GALNTL6: variants seen among roughly 807,000 people sequenced by gnomAD.
GALNTL6 encodes the protein polypeptide N-acetylgalactosaminyltransferase-like 6.
GALNTL6 carries 46 observed loss-of-function variants against 73.7 expected under a neutral mutation model. The observed-to-expected ratio is 0.62, with a 90% CI of 0.49 to 0.80. The LOEUF (loss-of-function observed/expected upper bound fraction) is 0.80. Ranked by LOEUF, GALNTL6 falls within the 30% of genes least tolerant of loss-of-function variation. The pLI, the probability that GALNTL6 is intolerant of heterozygous loss-of-function variation, is 0.00. For missense variants in GALNTL6, 604 were observed against 755.0 expected (o/e 0.80, Z 2.34); for synonymous variants, 259 against 263.7 (o/e 0.98, Z 0.17).
intron 7 of GALNTL6, 25 bp from the exon 8 acceptor site, chr4:172,882,765 A>T: frequency 7.2e-7 from 1 of 1,387,640 alleles, no homozygotes; most frequent in Non-Finnish European, 1.0e-6. Context: ...ATAGTCCTTT[A>T]AAGATTATTT....
chr4:172,529,764 C>A (rs1735105417), intron 5 of GALNTL6, among the ~76,000 whole-genome samples: 1 of 151,986 alleles, frequency 6.6e-6, no homozygotes, highest in African/African-American at 2.4e-5. Flanking sequence ...CAGCTCACTG[C>A]AATGTCTGCC....
chr4:172,574,833 G>T (rs940962431), intron 5 of GALNTL6, among the ~76,000 whole-genome samples: 1 of 151,814 alleles, frequency 6.6e-6, no homozygotes, highest in Non-Finnish European at 1.5e-5. Context: ...TGATATTTCT[G>T]GTTTTACTAC....
intron 5 of GALNTL6, among the ~76,000 whole-genome samples, chr4:172,519,666 T>C (rs1734715243): frequency 6.6e-6 from 1 of 151,806 alleles, no homozygotes; most frequent in Non-Finnish European, 1.5e-5. Context: ...TTTAAAGTAA[T>C]TTTTTATAAG....
At chr4:172,087,837 T>A (rs1011882935) in intron 2 of GALNTL6, among the ~76,000 whole-genome samples, 1 of 152,086 alleles carries the variant, frequency 6.6e-6, no homozygotes, top group African/African-American at 2.4e-5. Context: ...ATATTTATTC[T>A]GAACCATGCA....
At chr4:172,390,179 G>A (rs977491572) in intron 5 of GALNTL6, among the ~76,000 whole-genome samples, 2 of 151,962 alleles carry the variant, frequency 1.3e-5, no homozygotes, top group Non-Finnish European at 2.9e-5. Flanking sequence ...GGGGCCTATT[G>A]TTTAATATTT....
chr4:172,005,094 T>C (rs1740796118), intron 2 of GALNTL6, among the ~76,000 whole-genome samples: 1 of 145,618 alleles, frequency 6.9e-6, no homozygotes, highest in East Asian at 2.0e-4. Flanking sequence ...AAATAGCTTC[T>C]CTTAAAAAGC....
chr4:172,858,132 A>G (rs1744211093), intron 7 of GALNTL6, among the ~76,000 whole-genome samples: 1 of 152,200 alleles, frequency 6.6e-6, no homozygotes, highest in African/African-American at 2.4e-5. Flanking sequence ...AGCAGGAAGC[A>G]TGATGAAAAA....
At chr4:172,336,620 G>A (rs333390) in intron 4 of GALNTL6, among the ~76,000 whole-genome samples, 150,248 of 152,102 alleles carry the variant, frequency 0.99, 74,239 homozygotes, top group East Asian at 1. Flanking sequence ...GGTTGGTATG[G>A]CTTTGATTTT....
intron 5 of GALNTL6, among the ~76,000 whole-genome samples, chr4:172,444,073 A>G (rs1199805151): frequency 1.3e-5 from 2 of 152,194 alleles, no homozygotes; most frequent in Non-Finnish European, 2.9e-5. Flanking sequence ...GTGAGTTCAG[A>G]CAGTGGTAGT....
At position 172,256,209 on chromosome 4, in the gene GALNTL6, G is replaced by A. The variant is rs77425085; in HGVS notation, c.247+26445G>A. 1.3e-3 allele frequency among the ~76,000 whole-genome samples: 192 copies of A among 150,598 alleles called. 1 individual carries two copies. The highest frequency in any genetic ancestry group is 4.2e-3 in the African/African-American group (172 of 41,132). On this transcript the variant is annotated intron_variant, in intron 3 of 12. Coordinates refer to ENST00000506823, the MANE Select transcript of GALNTL6 (RefSeq NM_001034845.3). ...ATTTCATTTTTTCTTCTTCTGTTTC[G>A]CCTGTAAATCCAATCCAGCTGCAAC...
chr4:172,123,500 A>ATTTTTTT lies in GALNTL6; in HGVS notation c.139-106142_139-106136dup, dbSNP rs67067629. ...AATCAATAGTTTCAAAAAAGTCATAATTTTTTTTTTTTTTTTTTTTGAGAT... is the reference window on the plus strand; with the variant it reads ...AATCAATAGTTTCAAAAAAGTCATAATTTTTTTTTTTTTTTTTTTTTTTTTTTGAGAT... On this transcript the variant is annotated intron_variant, in intron 2 of 12. Coordinates refer to ENST00000506823, the MANE Select transcript of GALNTL6 (RefSeq NM_001034845.3). Among the ~76,000 whole-genome samples, 55 of 115,434 alleles carry ATTTTTTT rather than the reference A, an allele frequency of 4.8e-4. 1 individual carries two copies. The highest frequency in any genetic ancestry group is 5.1e-4 in the African/African-American group (15 of 29,168). The allele number at this position is 115,434 out of a possible 152,430, so 75.7% of individuals were successfully genotyped here.
intron 2 of GALNTL6, among the ~76,000 whole-genome samples, chr4:171,838,933 T>C (rs1022490397): frequency 6.6e-6 from 1 of 152,206 alleles, no homozygotes; most frequent in African/African-American, 2.4e-5. Flanking sequence ...GGGACTGCTC[T>C]CTGCCGTCTA....
At chr4:172,372,582 G>A (rs918527705) in intron 5 of GALNTL6, among the ~76,000 whole-genome samples, 1 of 152,176 alleles carries the variant, frequency 6.6e-6, no homozygotes, top group Non-Finnish European at 1.5e-5. Flanking sequence ...GTTGTCACAC[G>A]AGTCTGAGTA....
intron 5 of GALNTL6, among the ~76,000 whole-genome samples, chr4:172,419,069 G>A (rs1730954644): frequency 6.6e-6 from 1 of 152,066 alleles, no homozygotes; most frequent in Non-Finnish European, 1.5e-5. Context: ...TGTATGGATG[G>A]TGGGGTGGTA....
intron 7 of GALNTL6, among the ~76,000 whole-genome samples, chr4:172,872,376 G>C (rs1465855936): frequency 6.6e-6 from 1 of 152,060 alleles, no homozygotes; most frequent in Non-Finnish European, 1.5e-5. Context: ...CCCTCAATTA[G>C]GACAAATTAG....
At chr4:172,259,572 T>C (rs1414808922) in intron 3 of GALNTL6, among the ~76,000 whole-genome samples, 2 of 151,708 alleles carry the variant, frequency 1.3e-5, no homozygotes, top group Non-Finnish European at 3.0e-5. Flanking sequence ...CTGTTTACTC[T>C]GCTGATTATT....
intron 2 of GALNTL6, among the ~76,000 whole-genome samples, chr4:172,170,248 C>T (rs1434716076): frequency 2.0e-5 from 3 of 152,164 alleles, no homozygotes; most frequent in Non-Finnish European, 4.4e-5. Context: ...ATGGAGGTAA[C>T]TGGATCATGG....
In GALNTL6 at chr4:172,809,277, C is replaced by G. The variant is rs751039935; in HGVS notation, c.554-84C>G. The G allele has an allele frequency of 9.3e-7, 1 of 1,069,558 alleles. No individual in the cohort carries two copies. The allele number at this position is 1,069,558 out of a possible 1,614,324, so 66.3% of individuals were successfully genotyped here. A position where few individuals can be genotyped will look rare whatever the true frequency, so the allele number is the denominator to read the frequency against. On this transcript the variant is annotated intron_variant, in intron 5 of 12. Coordinates refer to ENST00000506823, the MANE Select transcript of GALNTL6 (RefSeq NM_001034845.3). This position sits in a 1 kb window ranked among gnomAD's most constrained non-coding sequence, Gnocchi z 4.4. ...TACCCCAGGATTCATCAGTCACATA[C>G]TCTCTATGCACAAACAACCGTGAAT...
intron 2 of GALNTL6, among the ~76,000 whole-genome samples, chr4:171,935,029 G>A (rs1156899206): frequency 1.3e-5 from 2 of 152,092 alleles, no homozygotes; most frequent in African/African-American, 4.8e-5. Flanking sequence ...ATGAGAAAAT[G>A]CTGCCATGTT....
Sources: gnomAD v4.1 joint callset for allele counts (sites outside exome capture counted in the v4.1 genomes callset) on GRCh38, gnomAD v4.1.1 for gene constraint, Gnocchi (gnomAD v3.1) non-coding constraint, MANE v1.5 for transcripts, NCBI Gene and HGNC (gene_info 2026-07-23, HGNC 2026-07-21) for gene names.